The following EEF1A2 variants were observed in gnomAD, a reference collection of about 807,000 sequenced individuals.
The protein encoded by EEF1A2 is elongation factor 1-alpha 2.
In EEF1A2, 5 loss-of-function variants were observed where a neutral mutation model predicts 39.3. That is an observed-to-expected ratio of 0.13 (90% CI 0.07 to 0.27). The LOEUF is 0.27. Among genes scored for constraint, EEF1A2 ranks in the 10% least tolerant of loss-of-function variants. The pLI, the probability that EEF1A2 is intolerant of heterozygous loss-of-function variation, is 1.00. For missense variants in EEF1A2, 218 were observed against 681.4 expected, an observed-to-expected ratio of 0.32 and a Z score of 7.57; for synonymous variants, 287 against 293.7, an observed-to-expected ratio of 0.98 and a Z score of 0.23.
chr20:63,492,405 G>A (rs1437811806), intron 5 of EEF1A2, among the ~76,000 whole-genome samples: 2 of 150,212 alleles, frequency 1.3e-5, no homozygotes, highest in African/African-American at 4.9e-5. Context: ...TGGATGGATG[G>A]ATGGATGGAT....
Position 63,493,117 on chromosome 20 carries a change from A to C in EEF1A2, c.772+20T>G. 6.5e-7 allele frequency: 1 copy of C among 1,544,698 alleles called. No individual in the cohort carries two copies. Among genetic ancestry groups the C allele is most frequent in the Non-Finnish European group, 8.7e-7 (1 of 1,144,124 alleles). On this transcript the variant is annotated intron_variant, in intron 5 of 7. Coordinates refer to ENST00000217182, the MANE Select transcript of EEF1A2 (RefSeq NM_001958.5). Reference sequence around the variant, plus strand: ...GCAGAGCTGGCCAGGCAGGAGCTCCAGCACAGCGCCCTTGCTCACCGCCAA... The same window carrying C: ...GCAGAGCTGGCCAGGCAGGAGCTCCCGCACAGCGCCCTTGCTCACCGCCAA...
chr20:63,492,955 G>A (rs528358761), intron 5 of EEF1A2, among the ~76,000 whole-genome samples, 182 bp downstream of exon 5: 280 of 149,934 alleles, frequency 1.9e-3, no homozygotes, highest in African/African-American at 6.6e-3. Context: ...GATGGACAGA[G>A]GATGGATGGG....
In EEF1A2 at chr20:63,498,709, G is replaced by C. The variant is rs993503808; in HGVS notation, c.-72+349C>G. 6.6e-6 allele frequency: 1 copy of C among 152,140 alleles called. No individual in the cohort carries two copies. The highest frequency in any genetic ancestry group is 1.5e-5 in the Non-Finnish European group (1 of 68,016). The allele number at this position is 152,140 out of a possible 1,614,324, so 9.4% of individuals were successfully genotyped here. Reference sequence around the variant, plus strand: ...AGAAGCCACCCTGGGGTGGGAACACGGGTGGGGGTGGGGAGGCCAGGGCCC... The same window carrying C: ...AGAAGCCACCCTGGGGTGGGAACACCGGTGGGGGTGGGGAGGCCAGGGCCC... On this transcript the variant is annotated intron_variant, in intron 1 of 7. Coordinates refer to ENST00000217182, the MANE Select transcript of EEF1A2 (RefSeq NM_001958.5). This position sits in a 1 kb window ranked among gnomAD's most constrained non-coding sequence, Gnocchi z 4.1.
chr20:63,497,454 C>T lies in EEF1A2; in HGVS notation c.144+166G>A. 1 of 1,110,850 alleles carries T rather than the reference C, an allele frequency of 9.0e-7. No homozygotes were observed. The highest frequency in any genetic ancestry group is 1.2e-6 in the Non-Finnish European group (1 of 805,390). 68.8% of individuals were successfully genotyped at this position (1,110,850 alleles called of 1,614,324 possible). A position where few individuals can be genotyped will look rare whatever the true frequency, so the allele number is the denominator to read the frequency against. On this transcript the variant is annotated intron_variant, in intron 2 of 7. Transcript: ENST00000217182. This position sits in a 1 kb window ranked among gnomAD's most constrained non-coding sequence, Gnocchi z 7.3. ...AAGCTCCCCCTAAGAGAGAGGCTGC[C>T]CCACCAGACCCTCTGAGGCCTGAGT...
intron 7 of EEF1A2, 34 bp from the exon 8 acceptor site, chr20:63,488,459 G>A: frequency 2.9e-6 from 4 of 1,393,422 alleles, no homozygotes; most frequent in East Asian, 3.1e-5. Context: ...GGGCGGGGCC[G>A]GAGGACTTGA....
At chr20:63,490,786 G>A (rs762049314) in intron 5 of EEF1A2, 51 bp from the exon 6 acceptor site, 26 of 1,562,744 alleles carry the variant, frequency 1.7e-5, no homozygotes, top group East Asian at 2.3e-5. Context: ...GGGGATGCTG[G>A]GGCAGGATAT....
intron 6 of EEF1A2, 103 bp from the exon 7 acceptor site, chr20:63,489,255 G>C: frequency 3.3e-6 from 4 of 1,194,246 alleles, no homozygotes; most frequent in Non-Finnish European, 4.7e-6. Flanking sequence ...CCCTGCACGG[G>C]CTCCTGGGCC....
rs2082428402 is a variant in EEF1A2, at chr20:63,498,431, C to G, written c.-71-597G>C. The G allele has an allele frequency of 6.6e-6, 1 of 152,342 alleles. No individual in the cohort carries two copies. The highest frequency in any genetic ancestry group is 1.5e-5 in the Non-Finnish European group (1 of 68,130). 9.4% of individuals were successfully genotyped at this position (152,342 alleles called of 1,614,324 possible). ...TAGCTCTAGGCACCCCCCTCCCGGA[C>G]TCTCACAGGGACAGACAGCGGCCGG... is the stretch of plus-strand genomic sequence containing the variant. On this transcript the variant is annotated intron_variant, in intron 1 of 7. Coordinates refer to ENST00000217182, the MANE Select transcript of EEF1A2 (RefSeq NM_001958.5). The surrounding 1 kb of genome is among the most constrained non-coding windows in gnomAD (Gnocchi z 4.1).
In EEF1A2 at chr20:63,497,295, A is replaced by C; in HGVS notation, c.144+325T>G. On this transcript the variant is annotated intron_variant, in intron 2 of 7. Coordinates refer to ENST00000217182, the MANE Select transcript of EEF1A2 (RefSeq NM_001958.5). The surrounding 1 kb of genome is among the most constrained non-coding windows in gnomAD (Gnocchi z 7.3). ...CAGCCCCAGCCTTGGCCCTGGGGGGAAGGGGGTAAGGCTCCAGCGCCCTCC... is the reference window on the plus strand; with the variant it reads ...CAGCCCCAGCCTTGGCCCTGGGGGGCAGGGGGTAAGGCTCCAGCGCCCTCC... 4.2e-6 allele frequency: 1 copy of C among 238,326 alleles called. No individual in the cohort carries two copies. Among genetic ancestry groups the C allele is most frequent in the Admixed American group, 5.5e-5 (1 of 18,252 alleles). The allele number at this position is 238,326 out of a possible 1,614,324, so 14.8% of individuals were successfully genotyped here.
At chr20:63,494,579 G>A (rs2082407857) in intron 4 of EEF1A2, among the ~76,000 whole-genome samples, 2 of 152,254 alleles carry the variant, frequency 1.3e-5, no homozygotes, top group East Asian at 1.9e-4. Flanking sequence ...CCCTGGCCCC[G>A]GCCAGCCGCG....
intron 6 of EEF1A2, chr20:63,490,118 A>C (rs1443723539): frequency 5.3e-6 from 1 of 188,134 alleles, no homozygotes; most frequent in African/African-American, 2.4e-5. Context: ...CGCAGGCTGG[A>C]GTGCAGTGGC....
At chr20:63,490,220 C>T in intron 6 of EEF1A2, 1 of 405,516 alleles carries the variant, frequency 2.5e-6, no homozygotes, top group Non-Finnish European at 4.6e-6. Context: ...GCACGTGCCA[C>T]CACGCCTGGC....
intron 3 of EEF1A2, 48 bp from the exon 4 acceptor site, chr20:63,495,149 G>A (rs750503011): frequency 5.0e-6 from 8 of 1,585,766 alleles, no homozygotes; most frequent in South Asian, 4.5e-5. Context: ...GCCTGGCAGG[G>A]GACAGAGCGA....
chr20:63,495,781 A>G, intron 3 of EEF1A2, 75 bp downstream of exon 3: 1 of 1,547,470 alleles, frequency 6.5e-7, no homozygotes, highest in Non-Finnish European at 8.7e-7. Context: ...CATCCCAGTG[A>G]CCCCAGGGGC....
At chr20:63,494,611 A>C (rs544802386) in intron 4 of EEF1A2, among the ~76,000 whole-genome samples, 194 bp downstream of exon 4, 1 of 152,348 alleles carries the variant, frequency 6.6e-6, no homozygotes, top group Admixed American at 6.5e-5. Flanking sequence ...GTGTAGGAGC[A>C]AAGCCCGGTG....
chr20:63,495,868 C>G lies in EEF1A2; in HGVS notation c.312G>C (p.Thr104=), dbSNP rs766461892. ...GTGCCCTGCTCACCTGGGATGTACC[C>G]GTGATCATGTTCTTGATGAAGTCGC... ...GHRDFIKNMI[T]GTSQADCAVL... is the part of the protein sequence containing the mutation. Residue 104 remains threonine, a synonymous_variant, in exon 3 of 8, where the codon ACG becomes ACC. Transcript: ENST00000217182. 1 of 1,613,046 alleles carries G rather than the reference C, an allele frequency of 6.2e-7. No individual in the cohort carries two copies. The highest frequency in any genetic ancestry group is 8.5e-7 in the Non-Finnish European group (1 of 1,179,870).
intron 5 of EEF1A2, 67 bp downstream of exon 5, chr20:63,493,070 A>G: frequency 1.3e-6 from 2 of 1,509,370 alleles, no homozygotes; most frequent in African/African-American, 1.4e-5. Flanking sequence ...GATGCCTTGT[A>G]GGGGCCCCTG....
chr20:63,492,390 G>GGAGATGGA (rs769905403), intron 5 of EEF1A2, among the ~76,000 whole-genome samples: 20,677 of 126,490 alleles, frequency 0.16, 17 homozygotes, highest in Middle Eastern at 0.22. Context: ...GGATGGGTGG[G>GGAGATGGA]TAGATGGATG....
At position 63,490,545 on chromosome 20, in the gene EEF1A2, C is replaced by A. The variant is rs1600903435; in HGVS notation, c.963G>T (p.Arg321=). ...NVKNVSVKDI[R]RGNVCGDSKS... is the part of the protein sequence containing the mutation. ...TGCTGTCCCCACACACGTTGCCCCG[C>A]CGGATGTCCTTCACCGACACGTTCT... The change falls in exon 6 of 8, where the codon CGG becomes CGT. Residue 321 remains arginine (R), a synonymous_variant. Coordinates refer to ENST00000217182, the MANE Select transcript of EEF1A2 (RefSeq NM_001958.5). The A allele has an allele frequency of 6.2e-7, 1 of 1,612,780 alleles. No individual in the cohort carries two copies. Among genetic ancestry groups the A allele is most frequent in the Non-Finnish European group, 8.5e-7 (1 of 1,179,948 alleles).
Sources: gnomAD v4.1 joint callset for allele counts (sites outside exome capture counted in the v4.1 genomes callset) on GRCh38, gnomAD v4.1.1 for gene constraint, Gnocchi (gnomAD v3.1) non-coding constraint, MANE v1.5 for transcripts, NCBI Gene and HGNC (gene_info 2026-07-23, HGNC 2026-07-21) for gene names.